Variants in DYM observed in about 807,000 individuals in gnomAD.
DYM encodes dyggve-Melchior-Clausen syndrome protein.
In DYM, 78 loss-of-function variants were observed where a neutral mutation model predicts 93.1. The ratio of observed to expected loss-of-function variants is 0.84; its 90% CI spans 0.70 to 1.01. The LOEUF is 1.01. Among genes scored for constraint, DYM ranks in the 50% least tolerant of loss-of-function variants. DYM has a pLI of 0.00. For missense variants in DYM, 789 were observed against 845.0 expected, an observed-to-expected ratio of 0.93 and a Z score of 0.82; for synonymous variants, 321 against 319.7, an observed-to-expected ratio of 1.00 and a Z score of -0.04.
rs1022418317 is a variant in DYM at position 49,040,627 on chromosome 18, T to C, written c.*3428A>G. 6.6e-6 allele frequency among the ~76,000 whole-genome samples: 1 copy of C among 152,218 alleles called. No individual in the cohort carries two copies. Among genetic ancestry groups the C allele is most frequent in the Admixed American group, 6.5e-5 (1 of 15,286 alleles). The stretch of plus-strand genomic sequence containing the variant: ...AATTTGGAGTCAGAAGGCCTAATAA[T>C]CAGTCCCTAAAATCAAGTGGCAACT... On this transcript the variant is annotated 3_prime_UTR_variant, in exon 18 of 18. Transcript: ENST00000675505.
chr18:49,128,375 G>C (rs1004399063), intron 15 of DYM, among the ~76,000 whole-genome samples: 9 of 152,122 alleles, frequency 5.9e-5, no homozygotes, highest in Non-Finnish European at 1.3e-4. Context: ...ATTCTTCTTA[G>C]ACTATATTGG....
chr18:49,196,719 T>G lies in DYM; in HGVS notation c.1625+12832A>C, dbSNP rs1302675461. ...CCTGGAAGAGAAAGCACAATTGATA[T>G]GGCTAGAGAATGTAGCATCCTAAGG... is the stretch of plus-strand genomic sequence containing the variant. On this transcript the variant is annotated intron_variant, in intron 14 of 17. Transcript: ENST00000675505. 2.0e-5 allele frequency among the ~76,000 whole-genome samples: 3 copies of G among 152,216 alleles called. No individual in the cohort carries two copies. In the East Asian group the frequency reaches 5.8e-4, roughly 29 times the overall value.
intron 8 of DYM, among the ~76,000 whole-genome samples, chr18:49,303,043 TC>T (rs1298923722): frequency 5.3e-5 from 8 of 152,212 alleles, no homozygotes; most frequent in African/African-American, 1.9e-4. Context: ...CAGACTTCTC[TC>T]CCACTCCTTC....
chr18:49,449,400 A>G (rs2082344798), intron 1 of DYM, among the ~76,000 whole-genome samples: 1 of 152,182 alleles, frequency 6.6e-6, no homozygotes, highest in South Asian at 2.1e-4. Flanking sequence ...CACAATTCCC[A>G]ATAGGAAGAG....
chr18:49,124,308 A>T (rs2082629070), intron 15 of DYM, among the ~76,000 whole-genome samples: 1 of 151,910 alleles, frequency 6.6e-6, no homozygotes, highest in African/African-American at 2.4e-5. Flanking sequence ...AGTCAAAAGC[A>T]GTTTGGGCAA....
At chr18:49,217,783 C>A (rs1260871369) in intron 13 of DYM, among the ~76,000 whole-genome samples, 1 of 152,196 alleles carries the variant, frequency 6.6e-6, no homozygotes, top group Non-Finnish European at 1.5e-5. Flanking sequence ...ACAAACCGTA[C>A]CACCCACTGC....
intron 15 of DYM, among the ~76,000 whole-genome samples, chr18:49,140,866 A>G (rs1337440401): frequency 3.3e-5 from 5 of 152,194 alleles, no homozygotes; most frequent in Non-Finnish European, 7.3e-5. Context: ...GTCAGTTTAT[A>G]CTATTCAAAA....
Position 49,313,514 on chromosome 18 carries a change from C to T in DYM, c.763+18350G>A, listed in dbSNP as rs538024976. ...AAAAAAAAAGGGCTGCAGTAAAAAA[C>T]CTGGCCAAAACCTGTCAAGACATCA... On this transcript the variant is annotated intron_variant, in intron 8 of 17. Coordinates refer to ENST00000675505, the MANE Select transcript of DYM (RefSeq NM_001353214.3). Among the ~76,000 whole-genome samples the T allele has an allele frequency of 4.8e-3, 491 of 101,374 alleles. 1 individual carries two copies. Among genetic ancestry groups the T allele is most frequent in the Middle Eastern group, 9.8e-3 (1 of 102 alleles). 66.5% of individuals were successfully genotyped at this position (101,374 alleles called of 152,430 possible). A position where few individuals can be genotyped will look rare whatever the true frequency, so the allele number is the denominator to read the frequency against.
intron 14 of DYM, among the ~76,000 whole-genome samples, chr18:49,171,471 G>C (rs1006266145): frequency 6.6e-6 from 1 of 152,016 alleles, no homozygotes; most frequent in South Asian, 2.1e-4. Context: ...AAGAAACCTA[G>C]GTGTAGAGAG....
At chr18:49,249,671 A>C (rs531527197) in intron 13 of DYM, among the ~76,000 whole-genome samples, 19 of 151,976 alleles carry the variant, frequency 1.3e-4, no homozygotes, top group Middle Eastern at 6.8e-3. Context: ...GTAGTCTTCA[A>C]AAAAATGCTG....
chr18:49,183,656 C>T (rs1192577359), intron 14 of DYM, among the ~76,000 whole-genome samples: 10 of 152,072 alleles, frequency 6.6e-5, no homozygotes, highest in Non-Finnish European at 1.3e-4. Context: ...TAGCGTAGTG[C>T]CTGTACATTT....
chr18:49,321,328 T>C (rs2062467178), intron 8 of DYM: 1 of 398,102 alleles, frequency 2.5e-6, no homozygotes, highest in Admixed American at 4.4e-5. Context: ...AACTAATTCA[T>C]TCTTCAACTA....
chr18:49,418,897 A>C lies in DYM; in HGVS notation c.140+11358T>G, dbSNP rs180810265. 7.7e-4 allele frequency among the ~76,000 whole-genome samples: 118 copies of C among 152,270 alleles called. 1 individual carries two copies. The highest frequency in any genetic ancestry group is 2.7e-3 in the African/African-American group (113 of 41,556). On this transcript the variant is annotated intron_variant, in intron 2 of 17. Transcript: ENST00000675505. ...AAGTGACAGACCAAAAGTATATGCA[A>C]CACCACAAATGAAACCTCTATCATG...
At chr18:49,242,424 TAAC>T (rs2094038414) in intron 13 of DYM, among the ~76,000 whole-genome samples, 1 of 152,002 alleles carries the variant, frequency 6.6e-6, no homozygotes, top group Non-Finnish European at 1.5e-5. Context: ...AAAATAATAA[TAAC>T]AATAAAAATG....
chr18:49,108,513 A>G (rs2081089731), intron 16 of DYM, among the ~76,000 whole-genome samples: 1 of 152,212 alleles, frequency 6.6e-6, no homozygotes, highest in Admixed American at 6.5e-5. Flanking sequence ...TGGGAGCTGT[A>G]GACTGGAGCT....
intron 13 of DYM, among the ~76,000 whole-genome samples, chr18:49,217,777 A>C (rs572091463): frequency 1.1e-4 from 17 of 152,232 alleles, no homozygotes; most frequent in East Asian, 3.9e-4. Flanking sequence ...AAAGGAACAA[A>C]CCGTACCACC....
chr18:49,191,568 A>G lies in DYM; in HGVS notation c.1625+17983T>C, dbSNP rs72642447. Among the ~76,000 whole-genome samples, 549 of 152,272 alleles carry G rather than the reference A, an allele frequency of 3.6e-3. 27 individuals carry two copies. In the East Asian group the frequency reaches 0.084, roughly 23 times the overall value. On this transcript the variant is annotated intron_variant, in intron 14 of 17. Transcript: ENST00000675505. Reference sequence around the variant, plus strand: ...TATATATTTAGAGAACAGAGACCAGACTAAATGGAAAATAAAGAATTTAAA... The same window carrying G: ...TATATATTTAGAGAACAGAGACCAGGCTAAATGGAAAATAAAGAATTTAAA...
At chr18:49,182,997 A>G (rs2090071683) in intron 14 of DYM, among the ~76,000 whole-genome samples, 1 of 152,214 alleles carries the variant, frequency 6.6e-6, no homozygotes, top group African/African-American at 2.4e-5. Context: ...ACAGTTTTAG[A>G]TATTTTACGT....
At chr18:49,262,506 C>T (rs2094505200) in intron 11 of DYM, among the ~76,000 whole-genome samples, 2 of 152,210 alleles carry the variant, frequency 1.3e-5, no homozygotes, top group Admixed American at 6.5e-5. Context: ...TAACACACAT[C>T]TGGTTTGTTC....
Sources: allele counts gnomAD v4.1 joint callset (sites outside exome capture counted in the v4.1 genomes callset), GRCh38; gene constraint gnomAD v4.1.1; transcripts MANE v1.5; gene names NCBI Gene and HGNC (gene_info 2026-07-23, HGNC 2026-07-21).